TEK: variants seen among roughly 807,000 people sequenced by gnomAD.
The protein encoded by TEK is angiopoietin-1 receptor.
Under a neutral mutation model 131.8 loss-of-function variants are expected in TEK, and 43 were observed. The observed-to-expected ratio is 0.33, with a 90% CI of 0.26 to 0.42. The LOEUF is 0.42. Among genes scored for constraint, TEK ranks in the 10% least tolerant of loss-of-function variants. TEK has a pLI of 1.00. For missense variants in TEK, 1,162 were observed against 1,384.4 expected, an observed-to-expected ratio of 0.84 and a Z score of 2.55; for synonymous variants, 580 against 491.6, an observed-to-expected ratio of 1.18 and a Z score of -2.38.
chr9:27,115,864 A>T (rs960312936), intron 1 of TEK, among the ~76,000 whole-genome samples: 8 of 152,228 alleles, frequency 5.3e-5, no homozygotes, highest in Admixed American at 5.2e-4. Flanking sequence ...TTGGGGTCAG[A>T]TCAAGAAGGG....
intron 6 of TEK, among the ~76,000 whole-genome samples, chr9:27,174,847 T>C (rs867738583): frequency 6.6e-6 from 1 of 152,154 alleles, no homozygotes; most frequent in African/African-American, 2.4e-5. Context: ...AAAATTAAAA[T>C]GTTACGCAAA....
Position 27,202,825 on chromosome 9 carries a change from C to T in TEK, c.1915C>T (p.Pro639Ser). 1 of 1,613,976 alleles carries T rather than the reference C, an allele frequency of 6.2e-7. No individual in the cohort carries two copies. The highest frequency in any genetic ancestry group is 8.5e-7 in the Non-Finnish European group (1 of 1,179,874). ...TTTTTCTTTTTAATTTCTAGTTCTT[C>T]CTCCTCAACCAGAAAACATCAAGAT... Reference protein sequence around the residue: ...LTAWTLSDILPPQPENIKISN... With the variant: ...LTAWTLSDILSPQPENIKISN... Residue 639 changes from proline to serine, a missense_variant, in exon 13 of 23, where the codon CCT (proline) becomes TCT (serine). This residue lies in a region of TEK where 477 missense variants were observed against 471.0 expected (regional missense o/e 1.01). Coordinates refer to ENST00000380036, the MANE Select transcript of TEK (RefSeq NM_000459.5).
intron 1 of TEK, among the ~76,000 whole-genome samples, chr9:27,115,476 G>A (rs1278512834): frequency 6.6e-6 from 1 of 151,998 alleles, no homozygotes; most frequent in Non-Finnish European, 1.5e-5. Context: ...TCCAGCCTAG[G>A]CAACAGAGCG....
intron 1 of TEK, among the ~76,000 whole-genome samples, chr9:27,145,223 G>A (rs191847045): frequency 1.3e-5 from 2 of 152,316 alleles, no homozygotes; most frequent in Admixed American, 1.3e-4. Flanking sequence ...TGCACGTGCA[G>A]AGAACTGGTC....
chr9:27,220,264 G>C, intron 21 of TEK, 119 bp downstream of exon 21: 1 of 846,342 alleles, frequency 1.2e-6, no homozygotes. Flanking sequence ...TACACACAGA[G>C]ATCCCAAATA....
At chr9:27,180,177 T>G in intron 6 of TEK, 63 bp from the exon 7 acceptor site, 1 of 1,605,320 alleles carries the variant, frequency 6.2e-7, no homozygotes, top group Non-Finnish European at 8.5e-7. Flanking sequence ...ACTAAACACC[T>G]GCAGTCTTAG....
At chr9:27,194,167 A>C (rs1191227873) in intron 11 of TEK, among the ~76,000 whole-genome samples, 1 of 152,178 alleles carries the variant, frequency 6.6e-6, no homozygotes, top group Non-Finnish European at 1.5e-5. Flanking sequence ...CAAAGGCACC[A>C]GCTTATTATC....
intron 10 of TEK, 85 bp downstream of exon 10, chr9:27,190,775 C>T: frequency 5.8e-6 from 9 of 1,552,060 alleles, no homozygotes; most frequent in Non-Finnish European, 8.0e-6. Flanking sequence ...TCCCTTCTCC[C>T]TGCCTCAATC....
rs1825076645 is a variant in TEK at position 27,197,610 on chromosome 9, C to G, written c.1909+11C>G. 6.2e-7 allele frequency: 1 copy of G among 1,613,532 alleles called. No homozygotes were observed. Among genetic ancestry groups the G allele is most frequent in the Non-Finnish European group, 8.5e-7 (1 of 1,179,884 alleles). On this transcript the variant is annotated intron_variant, in intron 12 of 22. Coordinates refer to ENST00000380036, the MANE Select transcript of TEK (RefSeq NM_000459.5). Reference sequence around the variant, plus strand: ...GGACCCTTAGTGACAGTAAGTAATTCATGCTGCTCCAGCCTCATCTGAGCA... The same window carrying G: ...GGACCCTTAGTGACAGTAAGTAATTGATGCTGCTCCAGCCTCATCTGAGCA...
intron 9 of TEK, among the ~76,000 whole-genome samples, chr9:27,187,590 T>C (rs1824646190): frequency 6.6e-6 from 1 of 152,196 alleles, no homozygotes; most frequent in Non-Finnish European, 1.5e-5. Context: ...TCACAAATTG[T>C]AGTATATTCA....
chr9:27,196,917 G>C (rs1825043820), intron 11 of TEK, among the ~76,000 whole-genome samples: 1 of 151,618 alleles, frequency 6.6e-6, no homozygotes. Flanking sequence ...CAACGTGCAG[G>C]TTAGTTACAT....
chr9:27,172,496 C>G, intron 4 of TEK, 120 bp from the exon 5 acceptor site: 1 of 1,377,430 alleles, frequency 7.3e-7, no homozygotes. Context: ...GAGAGCAGAG[C>G]CTGTATTTTA....
chr9:27,193,134 A>G (rs1182073027), intron 11 of TEK, among the ~76,000 whole-genome samples: 2 of 152,198 alleles, frequency 1.3e-5, no homozygotes, highest in Non-Finnish European at 2.9e-5. Flanking sequence ...GCTTTTATCT[A>G]AAGAACAGCA....
intron 1 of TEK, among the ~76,000 whole-genome samples, chr9:27,155,207 G>A (rs1564064633): frequency 1.3e-5 from 2 of 152,312 alleles, no homozygotes; most frequent in East Asian, 1.9e-4. Flanking sequence ...GGGTATGTAC[G>A]TGGAAGGGGA....
intron 6 of TEK, among the ~76,000 whole-genome samples, chr9:27,175,546 C>A (rs1216213545): frequency 6.6e-6 from 1 of 152,096 alleles, no homozygotes; most frequent in Non-Finnish European, 1.5e-5. Flanking sequence ...AGTTCTAGAT[C>A]TCTGAGGAAT....
chr9:27,173,342 A>G lies in TEK; in HGVS notation c.881A>G (p.Lys294Arg), dbSNP rs770021561. ...PYGCSCATGW[K>R]GLQCNEACHP... ...GGGTGTTCCTGTGCCACAGGCTGGAAGGGTCTGCAGTGCAATGAAGGTATG... is the reference window on the plus strand; with the variant it reads ...GGGTGTTCCTGTGCCACAGGCTGGAGGGGTCTGCAGTGCAATGAAGGTATG... Residue 294 changes from lysine (K) to arginine (R), a missense_variant, in exon 6 of 23, where the codon AAG (lysine) becomes AGG (arginine). By Grantham distance (26) the Lys-to-Arg change is conservative. Around this residue, in one of 6 missense-constraint regions of TEK, gnomAD observed 436 missense variants for 539.1 expected, o/e 0.81. Coordinates refer to ENST00000380036, the MANE Select transcript of TEK (RefSeq NM_000459.5). 38 of 1,613,848 alleles carry G rather than the reference A, an allele frequency of 2.4e-5. No individual in the cohort carries two copies. The highest frequency in any genetic ancestry group is 4.0e-5 in the African/African-American group (3 of 74,908).
In TEK at chr9:27,109,308, G is replaced by A; in HGVS notation, c.-283G>A. ...TTTGATGAATTGCGAGATGGATAGG[G>A]CTTGAGTGCCCCCAGCCCTGCTGAT... On this transcript the variant is annotated 5_prime_UTR_variant, in exon 1 of 23. Coordinates refer to ENST00000380036, the MANE Select transcript of TEK (RefSeq NM_000459.5). 1 of 570,006 alleles carries A rather than the reference G, an allele frequency of 1.8e-6. No homozygotes were observed. The highest frequency in any genetic ancestry group is 3.1e-6 in the Non-Finnish European group (1 of 325,456). 35.3% of individuals were successfully genotyped at this position (570,006 alleles called of 1,614,324 possible). A position where few individuals can be genotyped will look rare whatever the true frequency, so the allele number is the denominator to read the frequency against.
Position 27,183,592 on chromosome 9 carries a change from G to A in TEK, c.1164G>A (p.Pro388=), listed in dbSNP as rs371664404. The stretch of plus-strand genomic sequence containing the variant: ...ATGAAGAAATGACCCTGGTGAAGCC[G>A]GATGGGACAGTGCTCCATGTAAGAG... ...PTNEEMTLVK[P]DGTVLHPKDF... Residue 388 remains proline (P), a synonymous_variant, in exon 8 of 23, where the codon CCG becomes CCA. Coordinates refer to ENST00000380036, the MANE Select transcript of TEK (RefSeq NM_000459.5). 4.2e-5 allele frequency: 68 copies of A among 1,613,838 alleles called. No homozygotes were observed. The East Asian group carries it at 6.7e-4, about 16-fold the overall frequency.
intron 1 of TEK, among the ~76,000 whole-genome samples, chr9:27,119,928 T>C (rs575296879): frequency 6.6e-6 from 1 of 152,196 alleles, no homozygotes; most frequent in Admixed American, 6.5e-5. Flanking sequence ...TGCACACGTG[T>C]GAGAGAAAGA....
Sources: allele counts gnomAD v4.1 joint callset (sites outside exome capture counted in the v4.1 genomes callset), GRCh38; gene constraint gnomAD v4.1.1; regional missense constraint gnomAD v4.1.1; transcripts MANE v1.5; gene names NCBI Gene and HGNC (gene_info 2026-07-23, HGNC 2026-07-21).